PKD1: variants seen among roughly 807,000 people sequenced by gnomAD.
The protein encoded by PKD1 is polycystin-1.
PKD1 carries 81 observed loss-of-function variants against 361.7 expected under a neutral mutation model. That is an observed-to-expected ratio of 0.22 (90% CI 0.19 to 0.27). The LOEUF is 0.27. PKD1 is among the 10% of genes least tolerant of loss of function. The pLI, the probability that PKD1 is intolerant of heterozygous loss-of-function variation, is 1.00. For missense variants in PKD1, 6,399 were observed against 6,118.3 expected (o/e 1.05, Z -1.53); for synonymous variants, 3,615 against 2,818.3 (o/e 1.28, Z -8.95).
rs752872366 is a variant in PKD1, at chr16:2,092,152, G to C, written c.11306C>G (p.Thr3769Arg). ...GCTGAAGCCTCCTGCGGCCGAGCAC[G>C]TGTGGACCCTGGGGCCGGGAGGGTC... is the stretch of plus-strand genomic sequence containing the variant. The part of the protein sequence containing the change: ...YPDPPGPRVH[T>R]CSAAGGFSTS... The change falls in exon 40 of 46, where the codon ACG becomes AGG. Residue 3769 changes from threonine to arginine, a missense_variant. Coordinates refer to ENST00000262304, the MANE Select transcript of PKD1 (RefSeq NM_001009944.3). 2 of 1,612,108 alleles carry C rather than the reference G, an allele frequency of 1.2e-6. No homozygotes were observed. Among genetic ancestry groups the C allele is most frequent in the South Asian group, 1.1e-5 (1 of 90,986 alleles).
chr16:2,099,828 G>A (rs765272976), intron 29 of PKD1, 33 bp downstream of exon 29: 49 of 1,558,316 alleles, frequency 3.1e-5, no homozygotes, highest in Non-Finnish European at 4.0e-5. Flanking sequence ...GGGCTGGGCA[G>A]GAAGAGGCTG....
At position 2,109,592 on chromosome 16, in the gene PKD1, C is replaced by T. The variant is rs773158555; in HGVS notation, c.5575G>A (p.Ala1859Thr). 1.9e-6 allele frequency: 3 copies of T among 1,611,162 alleles called. No individual in the cohort carries two copies. The highest frequency in any genetic ancestry group is 1.7e-5 in the Admixed American group (1 of 59,890). Reference sequence around the variant, plus strand: ...TTGAGCCGGATGGAGAAGGTGCCAGCATCCGGGAAGACCATGGTGACATGA... The same window carrying T: ...TTGAGCCGGATGGAGAAGGTGCCAGTATCCGGGAAGACCATGGTGACATGA... ...GPHVTMVFPDAGTFSIRLNAS... is the reference protein window; with the variant it reads ...GPHVTMVFPDTGTFSIRLNAS... The change falls in exon 15 of 46, where the codon GCT becomes ACT. Residue 1859 changes from alanine to threonine, a missense_variant. Physicochemically the swap from Ala to Thr is moderately conservative, Grantham distance 58. Transcript: ENST00000262304.
rs369737422 is a variant in PKD1 at position 2,112,872 on chromosome 16, G to A, written c.3077C>T (p.Thr1026Ile). The A allele has an allele frequency of 4.1e-5, 66 of 1,606,836 alleles. No individual in the cohort carries two copies. Among genetic ancestry groups the A allele is most frequent in the African/African-American group, 1.9e-4 (14 of 74,984 alleles). The change falls in exon 13 of 46, where the codon ACA becomes ATA. Residue 1026 changes from threonine to isoleucine, a missense_variant. By Grantham distance (89) the Thr-to-Ile change is moderately conservative. Coordinates refer to ENST00000262304, the MANE Select transcript of PKD1 (RefSeq NM_001009944.3). The part of the protein sequence containing the change: ...MNRMQGLQVS[T>I]VPAVLSPNAT... ...ATTGGGGGACAGCACGGCCGGCACT[G>A]TGGAGACCTGCAGACCCTGCATCCT...
At chr16:2,102,277 GGC>G in intron 25 of PKD1, 21 bp from the exon 26 acceptor site, 2 of 1,478,764 alleles carry the variant, frequency 1.4e-6, no homozygotes, top group Non-Finnish European at 1.9e-6. Flanking sequence ...ACAGCCGCCG[GGC>G]CCAGGAGGTC....
chr16:2,115,662 C>T, intron 9 of PKD1, 37 bp from the exon 10 acceptor site: 3 of 1,586,270 alleles, frequency 1.9e-6, no homozygotes, highest in Non-Finnish European at 2.6e-6. Flanking sequence ...CCTGATTTGC[C>T]CACAGGCCAC....
In PKD1 at chr16:2,115,387, C is replaced by A; in HGVS notation, c.2088G>T (p.Ala696=). 2 of 1,548,374 alleles carry A rather than the reference C, an allele frequency of 1.3e-6. No homozygotes were observed. The highest frequency in any genetic ancestry group is 1.8e-6 in the Non-Finnish European group (2 of 1,141,714). ...FLFSVPAGPP[A]QYSVTLHGQD... Reference sequence around the variant, plus strand: ...GGTCAGGGCCACACACCGAGTACTGCGCGGGGGGCCCCGCGGGAACGGAGA... The same window carrying A: ...GGTCAGGGCCACACACCGAGTACTGAGCGGGGGGCCCCGCGGGAACGGAGA... The change falls in exon 10 of 46, where the codon GCG becomes GCT. Residue 696 remains alanine, a synonymous_variant. Transcript: ENST00000262304.
chr16:2,113,358 G>C (rs1483659949), intron 11 of PKD1, 66 bp from the exon 12 acceptor site: 15 of 1,524,162 alleles, frequency 9.8e-6, no homozygotes, highest in Non-Finnish European at 8.9e-7. Flanking sequence ...TCGCCTCCTG[G>C]ACACACCTCC....
Position 2,107,933 on chromosome 16 carries a change from T to A in PKD1, c.7015A>T (p.Ser2339Cys). The change falls in exon 16 of 46, where the codon AGC becomes TGC. Residue 2339 changes from serine to cysteine, a missense_variant. By Grantham distance (112) the Ser-to-Cys change is moderately radical. Coordinates refer to ENST00000262304, the MANE Select transcript of PKD1 (RefSeq NM_001009944.3). ...CGGCCGGCCTTCCACACGGTCAGGC[T>A]GAAGGTGTACTCCACGCCAGCCGCC... ...RLAAGVEYTF[S>C]LTVWKAGRKE... is the part of the protein sequence containing the mutation. 6.5e-7 allele frequency: 1 copy of A among 1,546,388 alleles called. No individual in the cohort carries two copies. Among genetic ancestry groups the A allele is most frequent in the Non-Finnish European group, 8.7e-7 (1 of 1,146,796 alleles).
intron 1 of PKD1, among the ~76,000 whole-genome samples, chr16:2,133,513 C>T (rs2092913903): frequency 1.3e-5 from 2 of 149,356 alleles, no homozygotes; most frequent in African/African-American, 5.1e-5. Flanking sequence ...CTTGACCCCT[C>T]TTCCCTGGGG....
At chr16:2,123,109 G>A (rs1596604216) in intron 1 of PKD1, among the ~76,000 whole-genome samples, 1 of 152,182 alleles carries the variant, frequency 6.6e-6, no homozygotes, top group African/African-American at 2.4e-5. Context: ...GGGTGCCATG[G>A]ACACTTCTTC....
rs1555442336 is a variant in PKD1 at position 2,088,858 on chromosome 16, A to AGC, written c.*867_*868dup. 574 of 561,068 alleles carry AGC rather than the reference A, an allele frequency of 1.0e-3. No homozygotes were observed. Among genetic ancestry groups the AGC allele is most frequent in the Non-Finnish European group, 1.6e-3 (500 of 316,480 alleles). The allele number at this position is 561,068 out of a possible 1,614,324, so 34.8% of individuals were successfully genotyped here. A position where few individuals can be genotyped will look rare whatever the true frequency, so the allele number is the denominator to read the frequency against. The stretch of plus-strand genomic sequence containing the variant: ...GGCCTTGAGGCTGCCTGGGCCATAC[A>AGC]GCACACTCGCGCGTGCGCGCGCGCA... On this transcript the variant is annotated 3_prime_UTR_variant, in exon 46 of 46. Coordinates refer to ENST00000262304, the MANE Select transcript of PKD1 (RefSeq NM_001009944.3).
Position 2,112,394 on chromosome 16 carries a change from A to G in PKD1, c.3241T>C (p.Ser1081Pro), listed in dbSNP as rs771477931. ...YNESFPVPDP[S>P]VAQVLVEHNV... ...TGCTCCACCAGCACCTGGGCCACCGAGGGGTCTGGAACCGGGAAGGACTCG... is the reference window on the plus strand; with the variant it reads ...TGCTCCACCAGCACCTGGGCCACCGGGGGGTCTGGAACCGGGAAGGACTCG... Residue 1081 changes from serine (S) to proline (P), a missense_variant, in exon 14 of 46, where the codon TCG becomes CCG. Physicochemically the swap from Ser to Pro is moderately conservative, Grantham distance 74. Coordinates refer to ENST00000262304, the MANE Select transcript of PKD1 (RefSeq NM_001009944.3). 6.3e-7 allele frequency: 1 copy of G among 1,587,672 alleles called. No individual in the cohort carries two copies. The highest frequency in any genetic ancestry group is 8.5e-7 in the Non-Finnish European group (1 of 1,174,380).
intron 38 of PKD1, 156 bp downstream of exon 38, chr16:2,092,798 T>C (rs2091657629): frequency 2.1e-6 from 2 of 943,942 alleles, no homozygotes; most frequent in South Asian, 2.7e-5. Flanking sequence ...CACGGACCTG[T>C]GTCCCTCCCC....
chr16:2,109,479 G>C lies in PKD1; in HGVS notation c.5688C>G (p.Ser1896Arg), dbSNP rs766509980. Residue 1896 changes from serine (S) to arginine (R), a missense_variant, in exon 15 of 46, where the codon AGC becomes AGG. Coordinates refer to ENST00000262304, the MANE Select transcript of PKD1 (RefSeq NM_001009944.3). ...CCAGCTGCCCGGGCGCCACCACCTTGCTGCTGGCCCACAGCACCAGGCCCA... is the reference window on the plus strand; with the variant it reads ...CCAGCTGCCCGGGCGCCACCACCTTCCTGCTGGCCCACAGCACCAGGCCCA... ...PIVGLVLWAS[S>R]KVVAPGQLVH... 45 of 1,609,056 alleles carry C rather than the reference G, an allele frequency of 2.8e-5. No individual in the cohort carries two copies. The highest frequency in any genetic ancestry group is 1.6e-4 in the African/African-American group (12 of 74,868).
chr16:2,123,494 C>G (rs1183549337), intron 1 of PKD1: 2 of 456,426 alleles, frequency 4.4e-6, no homozygotes, highest in East Asian at 1.4e-4. Flanking sequence ...TTTCACGTCT[C>G]CATCTGCTTT....
chr16:2,099,725 G>T lies in PKD1; in HGVS notation c.9969C>A (p.Val3323=). The change falls in exon 30 of 46, where the codon GTC becomes GTA. Residue 3323 remains valine, a synonymous_variant. Transcript: ENST00000262304. ...SRLSPLSVDT[V]AVGLVSSVVV... ...CCACGCTGGACACCAGGCCAACAGC[G>T]ACTGTGTCGACGCTCAGCGGGCTCA... The T allele has an allele frequency of 3.8e-6, 6 of 1,570,932 alleles. No homozygotes were observed. Among genetic ancestry groups the T allele is most frequent in the African/African-American group, 2.7e-5 (2 of 74,042 alleles).
intron 39 of PKD1, 132 bp from the exon 40 acceptor site, chr16:2,092,320 G>A (rs903369818): frequency 4.7e-6 from 5 of 1,072,232 alleles, no homozygotes; most frequent in South Asian, 4.3e-5. Flanking sequence ...CCATCAATTA[G>A]ACAACGTTAC....
rs763592110 is a variant in PKD1 at position 2,103,441 on chromosome 16, G to A, written c.8616C>T (p.Ile2872=). ...CCGAGTTGTTGGGCACCTTCACGGT[G>A]ATGGCGCGCTCTGAGGCCAGCCGCT... The part of the protein sequence containing the change: ...PIERLASERA[I]TVKVPNNSDW... The change falls in exon 23 of 46, where the codon ATC becomes ATT. Residue 2872 remains isoleucine, a synonymous_variant. Coordinates refer to ENST00000262304, the MANE Select transcript of PKD1 (RefSeq NM_001009944.3). 2.1e-5 allele frequency: 33 copies of A among 1,599,172 alleles called. No homozygotes were observed. In the Admixed American group the frequency reaches 3.5e-4, roughly 17 times the overall value.
rs577536178 is a variant in PKD1 at position 2,111,343 on chromosome 16, C to A, written c.3824G>T (p.Gly1275Val). The A allele has an allele frequency of 1.7e-5, 28 of 1,609,374 alleles. No individual in the cohort carries two copies. The East Asian group carries it at 4.5e-4, about 26-fold the overall frequency. ...LRAQNCTVTV[G>V]AASPAGHLAR... is the part of the protein sequence containing the mutation. ...CAGGTGGCCGGCGGGGCTGGCCGCA[C>A]CCACGGTCACTGTGCAGTTCTGTGC... is the stretch of plus-strand genomic sequence containing the variant. The change falls in exon 15 of 46, where the codon GGT becomes GTT. Residue 1275 changes from glycine to valine, a missense_variant. Transcript: ENST00000262304.
Sources: gnomAD v4.1 joint callset for allele counts (sites outside exome capture counted in the v4.1 genomes callset) on GRCh38, gnomAD v4.1.1 for gene constraint, MANE v1.5 for transcripts, NCBI Gene and HGNC (gene_info 2026-07-23, HGNC 2026-07-21) for gene names.